The following PRR16 variants were observed in gnomAD, a reference collection of about 807,000 sequenced individuals.
The protein encoded by PRR16 is proline rich 16.
PRR16 carries 6 observed loss-of-function variants against 18.2 expected under a neutral mutation model. The observed-to-expected ratio is 0.33, with a 90% CI of 0.18 to 0.65. The LOEUF (loss-of-function observed/expected upper bound fraction) is 0.65, where lower values mean the gene tolerates loss of function less well. PRR16 is among the 30% of genes least tolerant of loss of function. PRR16 has a pLI of 0.74. For missense variants in PRR16, 412 were observed against 376.6 expected, an observed-to-expected ratio of 1.09 and a Z score of -0.78; for synonymous variants, 151 against 147.8, an observed-to-expected ratio of 1.02 and a Z score of -0.16.
At chr5:120,509,998 A>G (rs1476063612) in intron 1 of PRR16, among the ~76,000 whole-genome samples, 1 of 152,122 alleles carries the variant, frequency 6.6e-6, no homozygotes, top group Non-Finnish European at 1.5e-5. Context: ...CCATGTTTGG[A>G]CTAGTGCATA....
intron 1 of PRR16, among the ~76,000 whole-genome samples, chr5:120,639,858 T>C (rs1297693459): frequency 6.6e-6 from 1 of 151,822 alleles, no homozygotes; most frequent in African/African-American, 2.4e-5. Flanking sequence ...AACACAGCAT[T>C]GTTCATAATA....
chr5:120,793,169 A>G, the PRR16 span, among the ~76,000 whole-genome samples: 2 of 151,952 alleles, frequency 1.3e-5, no homozygotes, highest in African/African-American at 2.4e-5. Flanking sequence ...ATCTAAACAT[A>G]CCTAAACATA....
At chr5:120,595,699 C>A (rs559026310) in intron 1 of PRR16, among the ~76,000 whole-genome samples, 2 of 152,022 alleles carry the variant, frequency 1.3e-5, no homozygotes, top group Non-Finnish European at 1.5e-5. Flanking sequence ...TAAAAAAATT[C>A]AATGACTCAA....
At chr5:120,641,023 G>T (rs1305425003) in intron 1 of PRR16, among the ~76,000 whole-genome samples, 1 of 152,068 alleles carries the variant, frequency 6.6e-6, no homozygotes, top group Admixed American at 6.6e-5. Flanking sequence ...CTAGGCCTTG[G>T]CAACCAGAAG....
At chr5:120,619,223 TCAGA>T (rs1283566750) in intron 1 of PRR16, among the ~76,000 whole-genome samples, 1 of 152,204 alleles carries the variant, frequency 6.6e-6, no homozygotes, top group East Asian at 1.9e-4. Context: ...GCTGCACTTA[TCAGA>T]CAGACACATC....
At chr5:120,491,646 C>T (rs1277810692) in intron 1 of PRR16, among the ~76,000 whole-genome samples, 11 of 151,996 alleles carry the variant, frequency 7.2e-5, no homozygotes, top group Non-Finnish European at 8.8e-5. Flanking sequence ...CAGGTTCAAG[C>T]GATTCTCCTG....
chr5:120,793,947 A>G, the PRR16 span, among the ~76,000 whole-genome samples: 1 of 152,172 alleles, frequency 6.6e-6, no homozygotes, highest in Non-Finnish European at 1.5e-5. Context: ...TAGAAAAGAT[A>G]CATTGAAAAT....
chr5:120,473,033 T>C (rs547314452), intron 1 of PRR16, among the ~76,000 whole-genome samples: 23 of 152,302 alleles, frequency 1.5e-4, no homozygotes, highest in African/African-American at 5.3e-4. Context: ...ATGAAAGACA[T>C]ATTGAATTCT....
intron 1 of PRR16, among the ~76,000 whole-genome samples, chr5:120,622,005 A>C (rs1397467199): frequency 6.6e-6 from 1 of 152,090 alleles, no homozygotes; most frequent in African/African-American, 2.4e-5. Context: ...TTTGCTGATC[A>C]CTTGACCTGA....
At chr5:120,565,900 A>G (rs1752721479) in intron 1 of PRR16, among the ~76,000 whole-genome samples, 2 of 152,218 alleles carry the variant, frequency 1.3e-5, no homozygotes, top group Non-Finnish European at 2.9e-5. Flanking sequence ...ATTTATTTCA[A>G]ATAATTTTTC....
chr5:120,619,334 T>A (rs1329264246), intron 1 of PRR16, among the ~76,000 whole-genome samples: 1 of 152,150 alleles, frequency 6.6e-6, no homozygotes, highest in Non-Finnish European at 1.5e-5. Context: ...ATGAATTGAC[T>A]GTTGAAGTAA....
chr5:120,776,047 C>T, the PRR16 span, among the ~76,000 whole-genome samples: 2 of 152,056 alleles, frequency 1.3e-5, no homozygotes, highest in Non-Finnish European at 2.9e-5. Context: ...GCAGGGCAGT[C>T]AGGATCTTAT....
rs982339778 is a variant in PRR16, at chr5:120,686,031, G to A, written c.237G>A (p.Thr79=). 12 of 1,613,960 alleles carry A rather than the reference G, an allele frequency of 7.4e-6. No individual in the cohort carries two copies. Among genetic ancestry groups the A allele is most frequent in the African/African-American group, 2.7e-5 (2 of 74,884 alleles). ...TGACTGACAGCTCCAAAACGGACAC[G>A]CTGAATAGTAGCTCAAGTGGCACAA... ...DEMTDSSKTD[T]LNSSSSGTTA... is the part of the protein sequence containing the mutation. Residue 79 remains threonine, a synonymous_variant, in exon 2 of 2, where the codon ACG becomes ACA. Transcript: ENST00000407149.
chr5:120,539,498 T>C (rs1751836825), intron 1 of PRR16, among the ~76,000 whole-genome samples: 1 of 152,114 alleles, frequency 6.6e-6, no homozygotes, highest in African/African-American at 2.4e-5. Context: ...TTATATGTTA[T>C]CTTCAGGAAA....
At chr5:120,562,102 T>C (rs1169888371) in intron 1 of PRR16, among the ~76,000 whole-genome samples, 1 of 152,184 alleles carries the variant, frequency 6.6e-6, no homozygotes, top group Non-Finnish European at 1.5e-5. Context: ...TATTATTGTA[T>C]CGAAGTCTAT....
At chr5:120,589,714 T>C (rs761787017) in intron 1 of PRR16, among the ~76,000 whole-genome samples, 31 of 152,226 alleles carry the variant, frequency 2.0e-4, no homozygotes, top group Non-Finnish European at 4.4e-4. Context: ...ACTTATCCAC[T>C]ACCATGAGAA....
At chr5:120,724,451 G>A in the PRR16 span, among the ~76,000 whole-genome samples, 363 of 152,180 alleles carry the variant, frequency 2.4e-3, 5 homozygotes, top group Non-Finnish European at 6.5e-4. Context: ...AAAATTAAAT[G>A]TGTTTATTCA....
chr5:120,655,026 T>C (rs1212774929), intron 1 of PRR16, among the ~76,000 whole-genome samples: 1 of 151,928 alleles, frequency 6.6e-6, no homozygotes, highest in Admixed American at 6.6e-5. Context: ...TATTCATATA[T>C]GCATTCTTTA....
chr5:120,615,957 C>T (rs1359278958), intron 1 of PRR16, among the ~76,000 whole-genome samples: 4 of 152,064 alleles, frequency 2.6e-5, no homozygotes, highest in African/African-American at 9.7e-5. Context: ...TATAATTTTG[C>T]TTTTCTTTAC....
Sources: gnomAD v4.1 joint callset for allele counts (sites outside exome capture counted in the v4.1 genomes callset) on GRCh38, gnomAD v4.1.1 for gene constraint, MANE v1.5 for transcripts, NCBI Gene and HGNC (gene_info 2026-07-23, HGNC 2026-07-21) for gene names.